The following NAV2 variants were observed in gnomAD, a reference collection of about 807,000 sequenced individuals.
NAV2 encodes helicase, APC down-regulated 1.
Under a neutral mutation model 223.2 loss-of-function variants are expected in NAV2, and 54 were observed. The ratio of observed to expected loss-of-function variants is 0.24; its 90% CI spans 0.19 to 0.30. The LOEUF (loss-of-function observed/expected upper bound fraction) is 0.30. Among genes scored for constraint, NAV2 ranks in the 10% least tolerant of loss-of-function variants. The pLI, the probability that NAV2 is intolerant of heterozygous loss-of-function variation, is 1.00. For missense variants in NAV2, 2,806 were observed against 3,147.5 expected (o/e 0.89, Z 2.60); for synonymous variants, 1,279 against 1,239.3 (o/e 1.03, Z -0.67).
At chr11:19,910,013 G>C (rs1056183397) in intron 6 of NAV2, among the ~76,000 whole-genome samples, 1 of 152,140 alleles carries the variant, frequency 6.6e-6, no homozygotes, top group Non-Finnish European at 1.5e-5. Context: ...ACTGCCCATC[G>C]TGGGGTGATT....
chr11:19,630,585 ACACTT>A (rs1208945788), intron 1 of NAV2, among the ~76,000 whole-genome samples: 2 of 152,134 alleles, frequency 1.3e-5, no homozygotes, highest in African/African-American at 4.8e-5. Context: ...ACACAATACT[ACACTT>A]AATCAAAGGG....
At chr11:19,378,784 C>T (rs1039845283) in intron 1 of NAV2, among the ~76,000 whole-genome samples, 3 of 152,130 alleles carry the variant, frequency 2.0e-5, no homozygotes, top group Admixed American at 6.5e-5. Flanking sequence ...CTGCTAAGGG[C>T]GTGCAGCAGC....
At chr11:20,102,318 G>A (rs1304823127) in intron 32 of NAV2, among the ~76,000 whole-genome samples, 2 of 152,152 alleles carry the variant, frequency 1.3e-5, no homozygotes, top group East Asian at 1.9e-4. Flanking sequence ...GTGCTGGTAG[G>A]AGATGGAGAA....
intron 1 of NAV2, among the ~76,000 whole-genome samples, chr11:19,774,031 C>T (rs997322521): frequency 6.6e-6 from 1 of 152,206 alleles, no homozygotes; most frequent in Non-Finnish European, 1.5e-5. Context: ...ACACACAGAA[C>T]CTGCCATGAA....
At position 19,931,751 on chromosome 11, in the gene NAV2, T is replaced by C. The variant is rs1356358415; in HGVS notation, c.932-1425T>C. 3 of 152,228 alleles carry C rather than the reference T, an allele frequency of 2.0e-5. No homozygotes were observed. In the East Asian group the frequency reaches 5.8e-4, roughly 29 times the overall value. 9.4% of individuals were successfully genotyped at this position (152,228 alleles called of 1,614,324 possible). ...GGCAGCCTCTCCGGTTGGAGGATTT[T>C]TCCTAGGGAATCATTGCAGGAGAAA... On this transcript the variant is annotated intron_variant, in intron 6 of 37. Transcript: ENST00000349880.
intron 1 of NAV2, among the ~76,000 whole-genome samples, chr11:19,737,232 A>G (rs2052399651): frequency 6.6e-6 from 1 of 152,200 alleles, no homozygotes; most frequent in African/African-American, 2.4e-5. Context: ...CACTGGAAAG[A>G]GACTTAGAGA....
chr11:19,827,299 C>G (rs1254141937), intron 1 of NAV2, among the ~76,000 whole-genome samples: 1 of 152,162 alleles, frequency 6.6e-6, no homozygotes, highest in Non-Finnish European at 1.5e-5. Context: ...TTGTGGGCCA[C>G]AGGTCACTCG....
chr11:20,076,360 A>C (rs1158229587), intron 22 of NAV2, among the ~76,000 whole-genome samples: 1 of 152,182 alleles, frequency 6.6e-6, no homozygotes, highest in Non-Finnish European at 1.5e-5. Flanking sequence ...AGCAGTGTGG[A>C]TACAGTAAGG....
At chr11:19,649,088 A>G (rs1199390918) in intron 1 of NAV2, among the ~76,000 whole-genome samples, 2 of 152,144 alleles carry the variant, frequency 1.3e-5, no homozygotes, top group Non-Finnish European at 2.9e-5. Context: ...TTACAGCTCC[A>G]GTTTTGGGGC....
In NAV2 at chr11:19,702,782, TAA is replaced by T. The variant is rs1158988028; in HGVS notation, c.76-129701_76-129700del. Reference sequence around the variant, plus strand: ...GACAGAGCAGGACCCTGTCTCAAAATAATAATAATAATAATAATAATAGTAAT... The same window carrying T: ...GACAGAGCAGGACCCTGTCTCAAAATTAATAATAATAATAATAATAGTAAT... On this transcript the variant is annotated intron_variant, in intron 1 of 37. Coordinates refer to the NAV2 transcript ENST00000360655. Among the ~76,000 whole-genome samples the T allele has an allele frequency of 4.3e-3, 216 of 50,200 alleles. 1 individual carries two copies. Among genetic ancestry groups the T allele is most frequent in the African/African-American group, 9.4e-3 (209 of 22,274 alleles). 32.9% of individuals were successfully genotyped at this position (50,200 alleles called of 152,430 possible).
intron 1 of NAV2, among the ~76,000 whole-genome samples, chr11:19,497,385 A>C (rs550763518): frequency 1.3e-5 from 2 of 152,288 alleles, no homozygotes; most frequent in South Asian, 4.2e-4. Context: ...TTCATCTGGG[A>C]TTTGGCCCCT....
chr11:19,556,488 C>A (rs1206694083), intron 1 of NAV2, among the ~76,000 whole-genome samples: 1 of 152,178 alleles, frequency 6.6e-6, no homozygotes, highest in Non-Finnish European at 1.5e-5. Flanking sequence ...ATCTCTTAAC[C>A]CTTTTTGTGC....
At chr11:19,604,968 C>T (rs2046440681) in intron 1 of NAV2, among the ~76,000 whole-genome samples, 1 of 152,158 alleles carries the variant, frequency 6.6e-6, no homozygotes, top group Non-Finnish European at 1.5e-5. Context: ...GTAAGGCCTC[C>T]CCAGCCATGT....
chr11:20,114,676 G>A lies in NAV2; in HGVS notation c.7045G>A (p.Glu2349Lys), dbSNP rs757817190. ...YPWAASPQQH[E>K]WPPLLQLRPE... The stretch of plus-strand genomic sequence containing the variant: ...ATGGGCAGCCAGCCCACAACAGCAC[G>A]AGTGGCCTCCCCTGCTGCAGTTACG... The change falls in exon 37 of 38, where the codon GAG (glutamate) becomes AAG (lysine). Residue 2349 changes from glutamate to lysine, a missense_variant. Transcript: ENST00000349880. The A allele has an allele frequency of 3.7e-6, 6 of 1,614,052 alleles. No homozygotes were observed. The highest frequency in any genetic ancestry group is 2.2e-5 in the East Asian group (1 of 44,892).
intron 36 of NAV2, among the ~76,000 whole-genome samples, chr11:20,109,654 C>T (rs4757891): frequency 0.71 from 107,930 of 151,892 alleles, 41,856 homozygotes; most frequent in Non-Finnish European, 0.88. Flanking sequence ...TCTGGGAAAC[C>T]CAAGCTGCTT....
At chr11:19,970,306 T>A (rs1315058080) in intron 10 of NAV2, among the ~76,000 whole-genome samples, 1 of 152,144 alleles carries the variant, frequency 6.6e-6, no homozygotes, top group African/African-American at 2.4e-5. Flanking sequence ...ATAGCTGGGA[T>A]TACAGGCATG....
Position 19,713,861 on chromosome 11 carries a change from A to T in NAV2, c.166A>T (p.Ile56Phe), listed in dbSNP as rs531685888. ...EVSKTTYPSQ[I>F]PLKSQVLQGL... ...GAGCAAGACCACCTATCCTAGCCAG[A>T]TCCCCCTGAAATCGCAGGTGCTGCA... The change falls in exon 1 of 38, where the codon ATC (isoleucine) becomes TTC (phenylalanine). Residue 56 changes from isoleucine (I) to phenylalanine (F), a missense_variant. By Grantham distance (21) the Ile-to-Phe change is conservative (BLOSUM62 0). Around this residue, in one of 4 missense-constraint regions of NAV2, gnomAD observed 1,167 missense variants for 1,180.5 expected, o/e 0.99. Coordinates refer to ENST00000349880, the MANE Select transcript of NAV2 (RefSeq NM_145117.5). The surrounding 1 kb of genome is among the most constrained non-coding windows in gnomAD (Gnocchi z 7.2). 15 of 1,613,652 alleles carry T rather than the reference A, an allele frequency of 9.3e-6. No individual in the cohort carries two copies. In the South Asian group the frequency reaches 1.5e-4, roughly 17 times the overall value.
Position 20,021,600 on chromosome 11 carries a change from C to G in NAV2, c.2769-14359C>G, listed in dbSNP as rs530886304. Among the ~76,000 whole-genome samples, 30 of 152,260 alleles carry G rather than the reference C, an allele frequency of 2.0e-4. No individual in the cohort carries two copies. In the South Asian group the frequency reaches 3.7e-3, roughly 19 times the overall value. On this transcript the variant is annotated intron_variant, in intron 11 of 37. Transcript: ENST00000349880. ...GAAGGTAAGGGGTGGTTTGAAGCAT[C>G]CTTGTCAGCCAGAACTTGGGTCTGT...
chr11:19,937,070 G>A (rs185767386), intron 7 of NAV2, among the ~76,000 whole-genome samples: 6 of 152,182 alleles, frequency 3.9e-5, no homozygotes, highest in South Asian at 4.2e-4. Context: ...CCTGGGAAGC[G>A]GAGGTTGCAG....
Sources: gnomAD v4.1 joint callset for allele counts (sites outside exome capture counted in the v4.1 genomes callset) on GRCh38, gnomAD v4.1.1 for gene constraint, gnomAD v4.1.1 regional missense constraint, Gnocchi (gnomAD v3.1) non-coding constraint, MANE v1.5 for transcripts, NCBI Gene and HGNC (gene_info 2026-07-23, HGNC 2026-07-21) for gene names.